Variants in GLRB observed in about 807,000 individuals in gnomAD.
GLRB encodes the protein glycine receptor subunit beta.
In GLRB, 33 loss-of-function variants were observed where a neutral mutation model predicts 54.2. That is an observed-to-expected ratio of 0.61 (90% CI 0.46 to 0.81). The LOEUF is 0.81. GLRB is among the 40% of genes least tolerant of loss of function. GLRB has a pLI of 0.00. For missense variants in GLRB, 572 were observed against 584.6 expected, an observed-to-expected ratio of 0.98 and a Z score of 0.22; for synonymous variants, 209 against 208.2, an observed-to-expected ratio of 1.00 and a Z score of -0.03.
chr4:157,118,148 A>C (rs138220299), intron 2 of GLRB, among the ~76,000 whole-genome samples: 1 of 151,786 alleles, frequency 6.6e-6, no homozygotes, highest in East Asian at 1.9e-4. Context: ...TCAGCTGGAA[A>C]GTTCTAAACT....
chr4:157,136,907 T>C (rs1243069611), intron 6 of GLRB, 21 bp downstream of exon 6: 2 of 1,420,170 alleles, frequency 1.4e-6, no homozygotes, highest in South Asian at 1.1e-5. Flanking sequence ...GAGAACATAA[T>C]TGATTATGAA....
chr4:157,116,794 T>G (rs1342967273), intron 2 of GLRB, among the ~76,000 whole-genome samples: 2 of 151,744 alleles, frequency 1.3e-5, no homozygotes, highest in Non-Finnish European at 2.9e-5. Flanking sequence ...GAATTTTATT[T>G]AAATTTTAAA....
At chr4:157,158,180 G>GTT (rs566588785) in intron 9 of GLRB, among the ~76,000 whole-genome samples, 1 of 150,284 alleles carries the variant, frequency 6.7e-6, no homozygotes, top group Admixed American at 6.6e-5. Context: ...TTTTTGATGG[G>GTT]TTTTTTTTTC....
chr4:157,120,393 A>G (rs1735767102), intron 2 of GLRB, among the ~76,000 whole-genome samples, 163 bp from the exon 3 acceptor site: 1 of 149,808 alleles, frequency 6.7e-6, no homozygotes, highest in African/African-American at 2.4e-5. Flanking sequence ...TAATAATAAA[A>G]TAAAATAAAA....
At chr4:157,165,980 A>G (rs1402970330) in intron 9 of GLRB, among the ~76,000 whole-genome samples, 2 of 152,072 alleles carry the variant, frequency 1.3e-5, no homozygotes, top group African/African-American at 4.8e-5. Context: ...AGAGGATGCC[A>G]TTATTGACAT....
chr4:157,136,427 G>A (rs370241365), intron 4 of GLRB, 42 bp from the exon 5 acceptor site: 14 of 1,095,826 alleles, frequency 1.3e-5, no homozygotes, highest in South Asian at 2.5e-5. Context: ...CTTAAAAATA[G>A]CAATAAACAT....
chr4:157,086,491 T>G (rs1560933118), intron 2 of GLRB, among the ~76,000 whole-genome samples: 1 of 152,172 alleles, frequency 6.6e-6, no homozygotes, highest in East Asian at 1.9e-4. Context: ...TAGAATTACA[T>G]GTGAGTTTGT....
chr4:157,160,217 T>G (rs1024297608), intron 9 of GLRB, among the ~76,000 whole-genome samples: 3 of 152,238 alleles, frequency 2.0e-5, no homozygotes, highest in East Asian at 3.9e-4. Context: ...GCTTGATTCT[T>G]CTCTCTTTTC....
intron 7 of GLRB, among the ~76,000 whole-genome samples, chr4:157,140,122 T>C (rs1736554038): frequency 6.6e-6 from 1 of 151,956 alleles, no homozygotes; most frequent in Non-Finnish European, 1.5e-5. Flanking sequence ...TTAAAGCTTA[T>C]AGTACATTAG....
intron 9 of GLRB, among the ~76,000 whole-genome samples, chr4:157,159,728 G>C (rs36034611): frequency 6.6e-6 from 1 of 152,098 alleles, no homozygotes; most frequent in Non-Finnish European, 1.5e-5. Context: ...TGCTGGATTC[G>C]GTTTGCCAGT....
chr4:157,147,917 C>A (rs1038426587), intron 8 of GLRB, among the ~76,000 whole-genome samples: 1 of 152,100 alleles, frequency 6.6e-6, no homozygotes, highest in Non-Finnish European at 1.5e-5. Context: ...CAGCCATAGA[C>A]AATATATAAC....
At chr4:157,111,930 T>C (rs1436461074) in intron 2 of GLRB, among the ~76,000 whole-genome samples, 1 of 152,008 alleles carries the variant, frequency 6.6e-6, no homozygotes, top group African/African-American at 2.4e-5. Context: ...TTTCATGAAA[T>C]ATTCTTTTTT....
intron 2 of GLRB, among the ~76,000 whole-genome samples, chr4:157,111,566 A>G (rs996594182): frequency 6.6e-6 from 1 of 151,940 alleles, no homozygotes; most frequent in African/African-American, 2.4e-5. Context: ...CTACGAGTTC[A>G]GTGTGGCTGA....
chr4:157,114,288 G>C (rs1364819631), intron 2 of GLRB, among the ~76,000 whole-genome samples: 1 of 150,966 alleles, frequency 6.6e-6, no homozygotes, highest in Non-Finnish European at 1.5e-5. Context: ...TGGAAGGAGA[G>C]AGTGCAATTG....
chr4:157,122,238 TATA>T, intron 3 of GLRB, 89 bp from the exon 4 acceptor site: 1 of 576,180 alleles, frequency 1.7e-6, no homozygotes, highest in Non-Finnish European at 3.1e-6. Context: ...TTGGAAAAAA[TATA>T]ATAATTAAAT....
chr4:157,117,937 G>C (rs1032874748), intron 2 of GLRB, among the ~76,000 whole-genome samples: 1 of 151,760 alleles, frequency 6.6e-6, no homozygotes, highest in Non-Finnish European at 1.5e-5. Context: ...TTAGAGTAAG[G>C]TTGCATGGTT....
intron 2 of GLRB, chr4:157,084,614 T>G (rs142531906): frequency 6.6e-6 from 3 of 456,118 alleles, no homozygotes; most frequent in African/African-American, 4.0e-5. Context: ...AAATTGTGTG[T>G]GCATATGTAA....
chr4:157,168,659 C>T (rs1435750989), intron 9 of GLRB, among the ~76,000 whole-genome samples: 4 of 151,958 alleles, frequency 2.6e-5, no homozygotes, highest in Non-Finnish European at 5.9e-5. Flanking sequence ...AGGTGAACTT[C>T]TAGTTCCTCA....
chr4:157,097,500 G>T (rs898030952), intron 2 of GLRB, among the ~76,000 whole-genome samples: 2 of 152,148 alleles, frequency 1.3e-5, no homozygotes, highest in African/African-American at 2.4e-5. Flanking sequence ...ACAAATGTTT[G>T]CTTATAAATT....
Sources: allele counts gnomAD v4.1 joint callset (sites outside exome capture counted in the v4.1 genomes callset), GRCh38; gene constraint gnomAD v4.1.1; transcripts MANE v1.5; gene names NCBI Gene and HGNC (gene_info 2026-07-23, HGNC 2026-07-21).